The following HPD variants were observed in gnomAD, a reference collection of about 807,000 sequenced individuals.
HPD encodes the protein 4-hydroxyphenylpyruvic acid oxidase.
In HPD, 35 loss-of-function variants were observed where a neutral mutation model predicts 56.9. The observed-to-expected ratio is 0.62, with a 90% CI of 0.47 to 0.82. The LOEUF (loss-of-function observed/expected upper bound fraction) is 0.82. HPD is among the 40% of genes least tolerant of loss of function. The probability of loss-of-function intolerance (pLI) is 0.00; values close to 1 mark genes in which losing one functional copy is unlikely to be tolerated. For synonymous variants in HPD, 186 were observed against 200.2 expected, an observed-to-expected ratio of 0.93 and a Z score of 0.60; for missense variants, 442 against 506.8, an observed-to-expected ratio of 0.87 and a Z score of 1.23.
intron 11 of HPD, among the ~76,000 whole-genome samples, chr12:121,845,095 A>C (rs1402954927): frequency 6.9e-6 from 1 of 145,336 alleles, no homozygotes; most frequent in African/African-American, 2.7e-5. Context: ...AAAAAGAAGG[A>C]TATATATATA....
chr12:121,876,766 C>A, the HPD span, among the ~76,000 whole-genome samples: 3 of 152,016 alleles, frequency 2.0e-5, no homozygotes, highest in African/African-American at 7.2e-5. Context: ...CCTCTCTGAA[C>A]CCCCATCCCC....
chr12:121,852,622 CTTTTTTTTTTTT>C (rs1176954964), intron 7 of HPD, among the ~76,000 whole-genome samples: 23 of 70,506 alleles, frequency 3.3e-4, no homozygotes, highest in South Asian at 5.7e-4. Context: ...TCATTGGATC[CTTTTTTTTTTTT>C]TTTTTTTTTT....
chr12:121,856,133 C>G (rs1003062936), intron 6 of HPD, 191 bp downstream of exon 6: 3 of 667,046 alleles, frequency 4.5e-6, no homozygotes, highest in Non-Finnish European at 8.2e-6. Context: ...GTGTGTCACA[C>G]CAGCATCTGG....
chr12:121,846,151 G>C (rs1296541934), intron 11 of HPD, among the ~76,000 whole-genome samples: 1 of 152,104 alleles, frequency 6.6e-6, no homozygotes, highest in East Asian at 1.9e-4. Flanking sequence ...CTTCTGCTTT[G>C]GCCTCCCGTG....
At chr12:121,880,260 T>C in the HPD span, among the ~76,000 whole-genome samples, 2 of 151,898 alleles carry the variant, frequency 1.3e-5, no homozygotes, top group Non-Finnish European at 2.9e-5. Flanking sequence ...TCGGGTACAG[T>C]GGCATGATCT....
intron 12 of HPD, 64 bp from the exon 13 acceptor site, chr12:121,840,112 CA>C: frequency 9.3e-7 from 1 of 1,079,154 alleles, no homozygotes; most frequent in Non-Finnish European, 1.4e-6. Flanking sequence ...GGAAAGTCCA[CA>C]GGGGCTCCTG....
upstream of HPD, among the ~76,000 whole-genome samples, chr12:121,861,494 C>T (rs1165153979): frequency 2.6e-5 from 4 of 151,484 alleles, no homozygotes; most frequent in African/African-American, 9.8e-5. Context: ...AGAATGAGAC[C>T]CTGTCTCAAA....
the HPD span, among the ~76,000 whole-genome samples, chr12:121,874,710 T>C: frequency 6.6e-6 from 1 of 152,036 alleles, no homozygotes. Flanking sequence ...GATGTGTGCA[T>C]GTGAAACATC....
At chr12:121,873,498 G>A in the HPD span, among the ~76,000 whole-genome samples, 9 of 152,284 alleles carry the variant, frequency 5.9e-5, no homozygotes, top group Non-Finnish European at 8.8e-5. Flanking sequence ...AGCCTCCTCT[G>A]CTTCCTTTCA....
chr12:121,882,324 T>C, the HPD span, among the ~76,000 whole-genome samples: 1 of 152,132 alleles, frequency 6.6e-6, no homozygotes, highest in South Asian at 2.1e-4. Flanking sequence ...TCTAGTTCCC[T>C]GGCTCTATTT....
chr12:121,887,939 C>G, the HPD span, among the ~76,000 whole-genome samples: 1,088 of 152,254 alleles, frequency 7.1e-3, 10 homozygotes, highest in African/African-American at 0.025. Flanking sequence ...GGCACATGGT[C>G]AGATATCAAA....
chr12:121,878,922 G>A, the HPD span, among the ~76,000 whole-genome samples: 2 of 149,858 alleles, frequency 1.3e-5, no homozygotes, highest in East Asian at 2.1e-4. Flanking sequence ...CCATCCTCCC[G>A]CCTTGGCCTC....
chr12:121,865,384 C>T (rs1878299031), upstream of HPD, among the ~76,000 whole-genome samples: 1 of 151,500 alleles, frequency 6.6e-6, no homozygotes, highest in African/African-American at 2.4e-5. Context: ...ATTCTCCTGC[C>T]TCAGCCTCCC....
chr12:121,867,767 G>A (rs1592928514), upstream of HPD, among the ~76,000 whole-genome samples: 1 of 152,046 alleles, frequency 6.6e-6, no homozygotes, highest in African/African-American at 2.4e-5. Flanking sequence ...GCCTGCCTCG[G>A]CCTCCCAAAG....
At chr12:121,875,427 C>CTTT in the HPD span, among the ~76,000 whole-genome samples, 278 of 134,738 alleles carry the variant, frequency 2.1e-3, no homozygotes, top group African/African-American at 7.3e-3. Context: ...TTCTTTCTTT[C>CTTT]TTTTTTTTTT....
intron 7 of HPD, among the ~76,000 whole-genome samples, chr12:121,851,478 CT>C (rs1170053098): frequency 6.6e-6 from 1 of 151,608 alleles, no homozygotes; most frequent in Admixed American, 6.6e-5. Context: ...TCCCGAGTAG[CT>C]GGGATTACAG....
chr12:121,883,525 T>C, the HPD span, among the ~76,000 whole-genome samples: 12 of 151,884 alleles, frequency 7.9e-5, no homozygotes, highest in Admixed American at 2.0e-4. Context: ...GACAGCAATA[T>C]TGACAAGCTC....
At chr12:121,883,648 C>T in the HPD span, among the ~76,000 whole-genome samples, 2 of 151,754 alleles carry the variant, frequency 1.3e-5, no homozygotes, top group South Asian at 2.1e-4. Context: ...CAAGATAGTT[C>T]CCCCACACAA....
At chr12:121,865,541 T>G (rs1205319756), upstream of HPD, among the ~76,000 whole-genome samples, 1 of 146,422 alleles carries the variant, frequency 6.8e-6, no homozygotes, top group African/African-American at 2.5e-5. Context: ...AGTGCTGGGA[T>G]TACAGGCATG....
Sources: allele counts gnomAD v4.1 joint callset (sites outside exome capture counted in the v4.1 genomes callset), GRCh38; gene constraint gnomAD v4.1.1; transcripts MANE v1.5; gene names NCBI Gene and HGNC (gene_info 2026-07-23, HGNC 2026-07-21).